TUBE1: variants seen among roughly 807,000 people sequenced by gnomAD.
TUBE1 encodes tubulin epsilon chain.
TUBE1 carries 34 observed loss-of-function variants against 53.5 expected under a neutral mutation model. The observed-to-expected ratio is 0.64, with a 90% CI of 0.48 to 0.85. The LOEUF is 0.85. Ranked by LOEUF, TUBE1 falls within the 40% of genes least tolerant of loss-of-function variation. The pLI is 0.00. For synonymous variants in TUBE1, 177 were observed against 198.4 expected (o/e 0.89, Z 0.91); for missense variants, 532 against 570.5 (o/e 0.93, Z 0.69).
chr6:112,075,068 C>CTTT (rs371166684), intron 8 of TUBE1: 4 of 123,714 alleles, frequency 3.2e-5, no homozygotes, highest in South Asian at 1.7e-4. Context: ...TTTTTTCTTT[C>CTTT]TTTTTTTTTT....
chr6:112,085,430 C>T, intron 3 of TUBE1: 1 of 245,344 alleles, frequency 4.1e-6, no homozygotes, highest in East Asian at 1.0e-4. Context: ...AGAAAAGCTC[C>T]CAGGCTGAGT....
rs189288102 is a variant in TUBE1, at chr6:112,076,037, T to C, written c.712A>G (p.Ser238Gly). Reference protein sequence around the residue: ...GKLGTTVKPKSLVTSSSGALK... With the variant: ...GKLGTTVKPKGLVTSSSGALK... ...GCCCCAGAACTTGAAGTAACCAGAC[T>C]CTTTGGCTTCACAGTTGTACCCAAC... Residue 238 changes from serine (S) to glycine (G), a missense_variant, in exon 8 of 12, where the codon AGT becomes GGT. Ser to Gly is a moderately conservative substitution (Grantham distance 56). Transcript: ENST00000368662. 1.9e-6 allele frequency: 3 copies of C among 1,613,968 alleles called. No individual in the cohort carries two copies. The highest frequency in any genetic ancestry group is 4.5e-5 in the East Asian group (2 of 44,846).
chr6:112,081,779 A>G (rs1777074445), intron 4 of TUBE1, among the ~76,000 whole-genome samples: 1 of 151,444 alleles, frequency 6.6e-6, no homozygotes, highest in South Asian at 2.1e-4. Context: ...ATGAGAATAT[A>G]AAACACAAAA....
At chr6:112,086,095 A>C (rs1777150600) in intron 3 of TUBE1, among the ~76,000 whole-genome samples, 1 of 152,244 alleles carries the variant, frequency 6.6e-6, no homozygotes, top group Non-Finnish European at 1.5e-5. Context: ...GCTTATGGAG[A>C]TATCCTAAAC....
In TUBE1 at chr6:112,071,960, CATGTGTTATTTGCTAAAGCTA is replaced by C. The variant is rs782163514; in HGVS notation, c.1190_1210del (p.Leu397_Thr403del). The stretch of plus-strand genomic sequence containing the variant: ...CAGTTCCATGAAGGTGGGCTTCACA[CATGTGTTATTTGCTAAAGCTA>C]ATAACGAATGAGAATGGCCCACAGG... On this transcript the variant is annotated inframe_deletion, in exon 11 of 12. Coordinates refer to ENST00000368662, the MANE Select transcript of TUBE1 (RefSeq NM_016262.5). 2 of 1,612,290 alleles carry C rather than the reference CATGTGTTATTTGCTAAAGCTA, an allele frequency of 1.2e-6. No homozygotes were observed. Among genetic ancestry groups the C allele is most frequent in the South Asian group, 2.2e-5 (2 of 90,898 alleles).
At chr6:112,084,306 G>A in intron 3 of TUBE1, 60 bp from the exon 4 acceptor site, 1 of 1,379,250 alleles carries the variant, frequency 7.3e-7, no homozygotes, top group Non-Finnish European at 1.0e-6. Context: ...AGCACTATCA[G>A]GTGATAAAGT....
chr6:112,086,666 T>C (rs1554317371), intron 2 of TUBE1, 58 bp from the exon 3 acceptor site: 2 of 1,172,908 alleles, frequency 1.7e-6, no homozygotes, highest in African/African-American at 3.1e-5. Context: ...CCAAATCAAG[T>C]TCTTTCAATT....
chr6:112,073,892 C>T (rs965338430), intron 9 of TUBE1, among the ~76,000 whole-genome samples: 2 of 152,200 alleles, frequency 1.3e-5, no homozygotes, highest in South Asian at 4.1e-4. Flanking sequence ...CCTCCCACTT[C>T]AGTCTCCAGA....
Position 112,081,124 on chromosome 6 carries a change from G to C in TUBE1, c.294C>G (p.Leu98=). 1 of 1,599,996 alleles carries C rather than the reference G, an allele frequency of 6.3e-7. No individual in the cohort carries two copies. The highest frequency in any genetic ancestry group is 8.5e-7 in the Non-Finnish European group (1 of 1,172,612). The change falls in exon 5 of 12, where the codon CTC becomes CTG. Residue 98 remains leucine, a synonymous_variant. Transcript: ENST00000368662. ...TTCCTGAGCCAGAAATATCAGTGAT[G>C]AGCTGTTTCGTATCAAATACATCTC... The part of the protein sequence containing the change: ...PLRDVFDTKQ[L]ITDISGSGNN...
At chr6:112,081,771 G>A (rs1777074244) in intron 4 of TUBE1, among the ~76,000 whole-genome samples, 2 of 125,588 alleles carry the variant, frequency 1.6e-5, no homozygotes. Context: ...AAGAAGAAAT[G>A]AGAATATAAA....
At position 112,079,727 on chromosome 6, in the gene TUBE1, A is replaced by G; in HGVS notation, c.354T>C (p.Ser118=). Residue 118 remains serine, a synonymous_variant, in exon 6 of 12, where the codon AGT becomes AGC. Transcript: ENST00000368662. ...TCTCTAAAATCTGGTCTTGGTAAAG[A>G]CTGCCGAAAACTTTGTGACCCACGG... ...NWAVGHKVFG[S]LYQDQILEKF... The G allele has an allele frequency of 6.2e-7, 1 of 1,610,438 alleles. No homozygotes were observed. Among genetic ancestry groups the G allele is most frequent in the South Asian group, 1.1e-5 (1 of 90,008 alleles).
At chr6:112,077,704 A>C (rs1776995473) in intron 6 of TUBE1, 1 of 152,092 alleles carries the variant, frequency 6.6e-6, no homozygotes, top group South Asian at 2.1e-4. Flanking sequence ...TCTTGGGGTG[A>C]TCTTTAATGA....
rs149036916 is a variant in TUBE1 at position 112,076,040 on chromosome 6, T to C, written c.709A>G (p.Lys237Glu). The C allele has an allele frequency of 1.4e-4, 230 of 1,613,940 alleles. 1 individual carries two copies. In the East Asian group the frequency reaches 4.7e-3, roughly 33 times the overall value. Residue 237 changes from lysine (K) to glutamate (E), a missense_variant, in exon 8 of 12, where the codon AAG (lysine) becomes GAG (glutamate). Lys to Glu is a moderately conservative substitution (Grantham distance 56, BLOSUM62 1). Coordinates refer to ENST00000368662, the MANE Select transcript of TUBE1 (RefSeq NM_016262.5). ...CCAGAACTTGAAGTAACCAGACTCT[T>C]TGGCTTCACAGTTGTACCCAACTTT... Reference protein sequence around the residue: ...SGKLGTTVKPKSLVTSSSGAL... With the variant: ...SGKLGTTVKPESLVTSSSGAL...
At chr6:112,074,666 A>G in intron 9 of TUBE1, 44 bp downstream of exon 9, 5 of 1,376,732 alleles carry the variant, frequency 3.6e-6, no homozygotes, top group African/African-American at 1.5e-5. Context: ...TGTTTTTTAA[A>G]GTAATTTGAG....
chr6:112,074,950 G>C, intron 8 of TUBE1, 100 bp from the exon 9 acceptor site: 2 of 759,204 alleles, frequency 2.6e-6, no homozygotes, highest in South Asian at 5.2e-5. Flanking sequence ...AAATTCTTTT[G>C]TACACTGTTC....
At chr6:112,079,945 T>C (rs1458152642) in intron 5 of TUBE1, among the ~76,000 whole-genome samples, 191 bp from the exon 6 acceptor site, 4 of 151,854 alleles carry the variant, frequency 2.6e-5, no homozygotes, top group Non-Finnish European at 5.9e-5. Flanking sequence ...TTAACAAATA[T>C]TCAGTATCTA....
At chr6:112,082,304 A>G (rs17073307) in intron 4 of TUBE1, among the ~76,000 whole-genome samples, 2,223 of 152,276 alleles carry the variant, frequency 0.015, 60 homozygotes, top group African/African-American at 0.052. Context: ...ACAATATGCA[A>G]TTTTGACCTC....
intron 3 of TUBE1, among the ~76,000 whole-genome samples, 187 bp downstream of exon 3, chr6:112,086,369 A>G (rs1043917917): frequency 2.6e-5 from 4 of 152,332 alleles, no homozygotes; most frequent in Admixed American, 6.5e-5. Context: ...CTAAAGGGAA[A>G]TCTGTTGTCT....
rs1255719516 is a variant in TUBE1, at chr6:112,087,455, G to C, written c.-21C>G. 6.5e-7 allele frequency: 1 copy of C among 1,549,276 alleles called. No homozygotes were observed. The highest frequency in any genetic ancestry group is 1.2e-5 in the South Asian group (1 of 83,988). On this transcript the variant is annotated 5_prime_UTR_variant, in exon 1 of 12. Coordinates refer to ENST00000368662, the MANE Select transcript of TUBE1 (RefSeq NM_016262.5). ...GTCATGGTGGTGCGCCGCCGGCTCC[G>C]GGAGCTTGCTAGCCCGCGGCCGCTT...
Sources: gnomAD v4.1 joint callset for allele counts (sites outside exome capture counted in the v4.1 genomes callset) on GRCh38, gnomAD v4.1.1 for gene constraint, MANE v1.5 for transcripts, NCBI Gene and HGNC (gene_info 2026-07-23, HGNC 2026-07-21) for gene names.